The following FXR1 variants were observed in gnomAD, a reference collection of about 807,000 sequenced individuals.
FXR1 encodes the protein FMR1 autosomal homolog 1.
In FXR1, 15 loss-of-function variants were observed where a neutral mutation model predicts 84.0. The observed-to-expected ratio is 0.18, with a 90% CI of 0.12 to 0.27. The LOEUF (loss-of-function observed/expected upper bound fraction) is 0.27, where lower values mean the gene tolerates loss of function less well. Ranked by LOEUF, FXR1 falls within the 10% of genes least tolerant of loss-of-function variation. FXR1 has a pLI of 1.00. For synonymous variants in FXR1, 245 were observed against 250.7 expected, an observed-to-expected ratio of 0.98 and a Z score of 0.21; for missense variants, 480 against 774.4, an observed-to-expected ratio of 0.62 and a Z score of 4.51.
intron 3 of FXR1, among the ~76,000 whole-genome samples, chr3:180,945,934 G>T (rs1385069366): frequency 5.3e-5 from 8 of 151,978 alleles, no homozygotes; most frequent in Admixed American, 5.2e-4. Flanking sequence ...AATACATTGA[G>T]AACATTCATC....
intron 2 of FXR1, among the ~76,000 whole-genome samples, chr3:180,933,639 A>G (rs997712869): frequency 2.6e-5 from 4 of 152,166 alleles, no homozygotes; most frequent in African/African-American, 9.7e-5. Context: ...AGATGGCACA[A>G]ATTAGATGAT....
Position 180,981,741 on chromosome 3 carries a change from CTT to C in FXR1, c.*5452_*5453del, listed in dbSNP as rs764031686. ...TAGAAAAAAGACCATTTGCTCTGGA[CTT>C]TTGTTTCCCAAGCCATAAAATGTGG... On this transcript the variant is annotated 3_prime_UTR_variant, in exon 17 of 17. Transcript: ENST00000357559. 1.3e-5 allele frequency: 2 copies of C among 152,020 alleles called. No individual in the cohort carries two copies. Among genetic ancestry groups the C allele is most frequent in the South Asian group, 4.1e-4 (2 of 4,834 alleles). 9.4% of individuals were successfully genotyped at this position (152,020 alleles called of 1,614,324 possible). A position where few individuals can be genotyped will look rare whatever the true frequency, so the allele number is the denominator to read the frequency against.
At chr3:180,920,010 C>T (rs1014934868) in intron 1 of FXR1, among the ~76,000 whole-genome samples, 3 of 152,152 alleles carry the variant, frequency 2.0e-5, no homozygotes, top group Admixed American at 6.6e-5. Context: ...AACTTGCCTG[C>T]CATTCTCTAT....
chr3:180,933,224 C>G, intron 1 of FXR1, 110 bp from the exon 2 acceptor site: 1 of 666,118 alleles, frequency 1.5e-6, no homozygotes, highest in Admixed American at 2.9e-5. Flanking sequence ...TGCCTAATTC[C>G]AAACCTTGTG....
rs1473060226 is a variant in FXR1 at position 180,979,498 on chromosome 3, T to TA, written c.*3207dup. On this transcript the variant is annotated 3_prime_UTR_variant, in exon 17 of 17. Coordinates refer to ENST00000357559, the MANE Select transcript of FXR1 (RefSeq NM_005087.4). ...TCTTTGCTACACGATTTGGATCCCT[T>TA]ACGCTTTTTCGTTAAGAATATCTGT... 3.3e-5 allele frequency: 5 copies of TA among 152,250 alleles called. No homozygotes were observed. Among genetic ancestry groups the TA allele is most frequent in the East Asian group, 3.9e-4 (2 of 5,190 alleles). The allele number at this position is 152,250 out of a possible 1,614,324, so 9.4% of individuals were successfully genotyped here.
intron 15 of FXR1, among the ~76,000 whole-genome samples, chr3:180,972,778 T>TTAAA (rs1713749581): frequency 1.3e-5 from 2 of 152,206 alleles, no homozygotes; most frequent in Admixed American, 6.5e-5. Flanking sequence ...TCTTTGGGAT[T>TTAAA]ACTACTTCCC....
At chr3:180,956,079 A>G (rs951782262) in intron 9 of FXR1, among the ~76,000 whole-genome samples, 2 of 152,182 alleles carry the variant, frequency 1.3e-5, no homozygotes, top group Admixed American at 1.3e-4. Flanking sequence ...TCTTAGTCCA[A>G]ATGAAAGAAA....
Position 180,948,400 on chromosome 3 carries a change from A to G in FXR1, c.324A>G (p.Thr108=). The G allele has an allele frequency of 6.2e-7, 1 of 1,607,554 alleles. No individual in the cohort carries two copies. The highest frequency in any genetic ancestry group is 8.5e-7 in the Non-Finnish European group (1 of 1,174,048). The change falls in exon 5 of 17, where the codon ACA becomes ACG. Residue 108 remains threonine (T), a synonymous_variant. Coordinates refer to ENST00000357559, the MANE Select transcript of FXR1 (RefSeq NM_005087.4). The stretch of plus-strand genomic sequence containing the variant: ...ACGCTACTTACAATGAAATAGTCAC[A>G]TTTGAACGACTTCGGCCTGTCAATC... ...ACDATYNEIV[T]FERLRPVNQN... is the part of the protein sequence containing the mutation.
Position 180,981,510 on chromosome 3 carries a change from C to T in FXR1, c.*5218C>T, listed in dbSNP as rs1001902872. ...CCAACAAAGCAGTTTTTATACAGCACCTTAGGACTCATTTCTAATGTCAAC... is the reference window on the plus strand; with the variant it reads ...CCAACAAAGCAGTTTTTATACAGCATCTTAGGACTCATTTCTAATGTCAAC... On this transcript the variant is annotated 3_prime_UTR_variant, in exon 17 of 17. Transcript: ENST00000357559. 2 of 151,992 alleles carry T rather than the reference C, an allele frequency of 1.3e-5. No homozygotes were observed. The highest frequency in any genetic ancestry group is 2.9e-5 in the Non-Finnish European group (2 of 67,946). The allele number at this position is 151,992 out of a possible 1,614,324, so 9.4% of individuals were successfully genotyped here. A position where few individuals can be genotyped will look rare whatever the true frequency, so the allele number is the denominator to read the frequency against.
chr3:180,973,781 G>A (rs1456685643), intron 15 of FXR1, among the ~76,000 whole-genome samples: 1 of 152,124 alleles, frequency 6.6e-6, no homozygotes, highest in Admixed American at 6.5e-5. Context: ...TTGTTCCTTT[G>A]TGGTTTTAAA....
intron 9 of FXR1, among the ~76,000 whole-genome samples, chr3:180,954,599 A>G (rs921212907): frequency 6.6e-6 from 1 of 152,182 alleles, no homozygotes; most frequent in African/African-American, 2.4e-5. Context: ...TGCAGTGACT[A>G]TACTAAAAAT....
rs1282434413 is a variant in FXR1, at chr3:180,980,785, C to T, written c.*4493C>T. 1 of 151,986 alleles carries T rather than the reference C, an allele frequency of 6.6e-6. No individual in the cohort carries two copies. Among genetic ancestry groups the T allele is most frequent in the Non-Finnish European group, 1.5e-5 (1 of 67,932 alleles). 9.4% of individuals were successfully genotyped at this position (151,986 alleles called of 1,614,324 possible). ...ATCTTGTTGCTAAGGCAGTAGTTGG[C>T]TCTAAGCTGATAAACAGCACACTGT... On this transcript the variant is annotated 3_prime_UTR_variant, in exon 17 of 17. Transcript: ENST00000357559.
intron 1 of FXR1, among the ~76,000 whole-genome samples, chr3:180,928,806 T>A (rs915727829): frequency 1.3e-5 from 2 of 152,198 alleles, no homozygotes. Flanking sequence ...TTTTAAAAAA[T>A]TGTTTTATAC....
In FXR1 at chr3:180,980,468, T is replaced by G. The variant is rs191834999; in HGVS notation, c.*4176T>G. The G allele has an allele frequency of 6.6e-6, 1 of 152,146 alleles. No individual in the cohort carries two copies. Among genetic ancestry groups the G allele is most frequent in the East Asian group, 1.9e-4 (1 of 5,180 alleles). The allele number at this position is 152,146 out of a possible 1,614,324, so 9.4% of individuals were successfully genotyped here. A position where few individuals can be genotyped will look rare whatever the true frequency, so the allele number is the denominator to read the frequency against. On this transcript the variant is annotated 3_prime_UTR_variant, in exon 17 of 17. Transcript: ENST00000357559. ...AATGTACATATTAATTTTCTAGTTTTAGAGACCATTTTCATTAAAAATATT... is the reference window on the plus strand; with the variant it reads ...AATGTACATATTAATTTTCTAGTTTGAGAGACCATTTTCATTAAAAATATT...
intron 1 of FXR1, chr3:180,932,939 C>G (rs1720105108): frequency 6.1e-6 from 1 of 162,760 alleles, no homozygotes; most frequent in Admixed American, 6.4e-5. Context: ...AAACTGTATT[C>G]AAGAATATAC....
chr3:180,963,084 G>A lies in FXR1; in HGVS notation c.1192G>A (p.Gly398Ser), dbSNP rs372792772. The change falls in exon 13 of 17, where the codon GGT (glycine) becomes AGT (serine). Residue 398 changes from glycine (G) to serine (S), a missense_variant. Gly to Ser is a moderately conservative substitution (Grantham distance 56). Coordinates refer to ENST00000357559, the MANE Select transcript of FXR1 (RefSeq NM_005087.4). The stretch of plus-strand genomic sequence containing the variant: ...TCGTCGGGGACCTAATTACACCTCC[G>A]GTTATGGTAAAAAAAAATTTTTTTT... Reference protein sequence around the residue: ...RGRRGPNYTSGYGTNSELSNP... With the variant: ...RGRRGPNYTSSYGTNSELSNP... The A allele has an allele frequency of 5.4e-6, 8 of 1,476,704 alleles. No individual in the cohort carries two copies. Among genetic ancestry groups the A allele is most frequent in the Non-Finnish European group, 7.4e-6 (8 of 1,081,652 alleles). The allele number at this position is 1,476,704 out of a possible 1,614,324, so 91.5% of individuals were successfully genotyped here. A position where few individuals can be genotyped will look rare whatever the true frequency, so the allele number is the denominator to read the frequency against.
intron 1 of FXR1, chr3:180,927,512 G>T: frequency 1.9e-6 from 1 of 535,674 alleles, no homozygotes; most frequent in Middle Eastern, 3.5e-4. Flanking sequence ...GTTTCTTTCT[G>T]TTTAGCCTAT....
At chr3:180,945,522 A>T (rs972312095) in intron 3 of FXR1, among the ~76,000 whole-genome samples, 5 of 152,110 alleles carry the variant, frequency 3.3e-5, no homozygotes, top group African/African-American at 1.2e-4. Context: ...CTTCCACCCT[A>T]GCCTTCCATG....
At chr3:180,938,236 A>G (rs930618491) in intron 3 of FXR1, among the ~76,000 whole-genome samples, 1 of 152,230 alleles carries the variant, frequency 6.6e-6, no homozygotes, top group African/African-American at 2.4e-5. Flanking sequence ...AATGTTTTTA[A>G]AAGTATTAAA....
Sources: allele counts gnomAD v4.1 joint callset (sites outside exome capture counted in the v4.1 genomes callset), GRCh38; gene constraint gnomAD v4.1.1; transcripts MANE v1.5; gene names NCBI Gene and HGNC (gene_info 2026-07-23, HGNC 2026-07-21).